Variants in XKR4 observed in about 807,000 individuals in gnomAD.
XKR4 encodes the protein XK related 4.
XKR4 carries 12 observed loss-of-function variants against 53.9 expected under a neutral mutation model. The observed-to-expected ratio is 0.22, with a 90% CI of 0.14 to 0.36. XKR4 has a LOEUF of 0.36. Among genes scored for constraint, XKR4 ranks in the 10% least tolerant of loss-of-function variants. XKR4 has a pLI of 1.00. For synonymous variants in XKR4, 354 were observed against 362.4 expected, an observed-to-expected ratio of 0.98 and a Z score of 0.26; for missense variants, 799 against 859.5, an observed-to-expected ratio of 0.93 and a Z score of 0.88.
At chr8:55,445,714 G>A (rs2622590) in intron 2 of XKR4, among the ~76,000 whole-genome samples, 23,117 of 152,086 alleles carry the variant, frequency 0.15, 2,256 homozygotes, top group East Asian at 0.41. Flanking sequence ...ATTGCCCCTA[G>A]TCAAATCAGA....
chr8:55,480,134 T>C (rs899031539), intron 2 of XKR4, among the ~76,000 whole-genome samples: 2 of 152,154 alleles, frequency 1.3e-5, no homozygotes, highest in African/African-American at 4.8e-5. Context: ...TTGATGAACA[T>C]TGATGCAAAA....
intron 2 of XKR4, among the ~76,000 whole-genome samples, chr8:55,426,398 T>C (rs920042584): frequency 1.3e-5 from 2 of 151,618 alleles, no homozygotes; most frequent in Non-Finnish European, 1.5e-5. Flanking sequence ...CTGTCACACA[T>C]ACACACACAC....
intron 2 of XKR4, chr8:55,453,187 G>A (rs956152935): frequency 2.0e-6 from 1 of 501,236 alleles, no homozygotes; most frequent in Admixed American, 2.3e-5. Flanking sequence ...AGAGCTGTAA[G>A]AGAACTACCT....
intron 1 of XKR4, among the ~76,000 whole-genome samples, chr8:55,193,114 T>C (rs1397370676): frequency 6.6e-6 from 1 of 152,054 alleles, no homozygotes; most frequent in Non-Finnish European, 1.5e-5. Flanking sequence ...AAAATTCAAT[T>C]ATATCGGACT....
intron 2 of XKR4, among the ~76,000 whole-genome samples, chr8:55,372,683 A>C (rs950147807): frequency 6.6e-6 from 1 of 152,070 alleles, no homozygotes; most frequent in Non-Finnish European, 1.5e-5. Flanking sequence ...TGATGTGTAT[A>C]TTCTAGGGTA....
At chr8:55,478,326 A>T (rs1010884550) in intron 2 of XKR4, among the ~76,000 whole-genome samples, 17 of 152,224 alleles carry the variant, frequency 1.1e-4, no homozygotes, top group African/African-American at 2.7e-4. Context: ...GAGAAATAAA[A>T]TACTTTACAG....
chr8:55,279,284 A>G (rs2129373585), intron 1 of XKR4, among the ~76,000 whole-genome samples: 1 of 152,302 alleles, frequency 6.6e-6, no homozygotes, highest in South Asian at 2.1e-4. Flanking sequence ...GCTCAGCTCC[A>G]GCTTCTCTTT....
intron 2 of XKR4, among the ~76,000 whole-genome samples, chr8:55,497,321 A>G (rs1347048057): frequency 6.6e-6 from 1 of 152,230 alleles, no homozygotes; most frequent in Admixed American, 6.5e-5. Context: ...AATTTGTGGG[A>G]GGATTTGTTT....
chr8:55,467,501 G>A lies in XKR4; in HGVS notation c.1007-55780G>A, dbSNP rs189607181. ...TGTGTTTACTGAGTTGGGAGTTGGC[G>A]AGGGTTGGGACTGGGGGCCATCTTA... On this transcript the variant is annotated intron_variant, in intron 2 of 2. Coordinates refer to ENST00000327381, the MANE Select transcript of XKR4 (RefSeq NM_052898.2). Among the ~76,000 whole-genome samples, 9 of 152,222 alleles carry A rather than the reference G, an allele frequency of 5.9e-5. No individual in the cohort carries two copies. In the South Asian group the frequency reaches 1.2e-3, roughly 21 times the overall value.
chr8:55,449,705 C>T, intron 2 of XKR4: 1 of 892,154 alleles, frequency 1.1e-6, no homozygotes, highest in South Asian at 1.3e-5. Flanking sequence ...GTCGATGACA[C>T]CCTTGCACTC....
chr8:55,493,343 C>T (rs1389471883), intron 2 of XKR4, among the ~76,000 whole-genome samples: 1 of 152,206 alleles, frequency 6.6e-6, no homozygotes, highest in Non-Finnish European at 1.5e-5. Flanking sequence ...TAGCTATTTC[C>T]TCTGCAGGCA....
In XKR4 at chr8:55,533,543, C is replaced by T. The variant is rs945488211; in HGVS notation, c.*9316C>T. ...GCTCTGTGGAAAGATGTAAATCCCT[C>T]CTGCTGTAAGAGGAGGGAAGGCAGC... On this transcript the variant is annotated 3_prime_UTR_variant, in exon 3 of 3. Transcript: ENST00000327381. 2 of 152,160 alleles carry T rather than the reference C, an allele frequency of 1.3e-5. No individual in the cohort carries two copies. The highest frequency in any genetic ancestry group is 4.8e-5 in the African/African-American group (2 of 41,434). 9.4% of individuals were successfully genotyped at this position (152,160 alleles called of 1,614,324 possible).
At chr8:55,267,371 C>T (rs1314754763) in intron 1 of XKR4, among the ~76,000 whole-genome samples, 1 of 152,088 alleles carries the variant, frequency 6.6e-6, no homozygotes, top group Non-Finnish European at 1.5e-5. Flanking sequence ...ACTGCTTTTT[C>T]CAGCAACCCT....
chr8:55,452,669 C>T (rs1291647064), intron 2 of XKR4: 3 of 1,430,528 alleles, frequency 2.1e-6, no homozygotes, highest in African/African-American at 1.4e-5. Flanking sequence ...TGACCCCACT[C>T]TCTGTGCAGA....
At chr8:55,166,539 G>A (rs1458506656) in intron 1 of XKR4, among the ~76,000 whole-genome samples, 1 of 152,150 alleles carries the variant, frequency 6.6e-6, no homozygotes, top group African/African-American at 2.4e-5. Context: ...TCTAATGGAA[G>A]GAAACAGAAT....
chr8:55,141,065 G>T (rs891174245), intron 1 of XKR4, among the ~76,000 whole-genome samples: 4 of 152,094 alleles, frequency 2.6e-5, no homozygotes, highest in African/African-American at 4.8e-5. Flanking sequence ...AATCAATTTT[G>T]TAACACTTTT....
At position 55,524,190 on chromosome 8, in the gene XKR4, T is replaced by C; in HGVS notation, c.1916T>C (p.Leu639Pro). 6.2e-7 allele frequency: 1 copy of C among 1,614,160 alleles called. No individual in the cohort carries two copies. ...AGGCTGCAGTACAAAGATGATGCCCTTATTCAGGAGCGGTTGGAGTACGAA... is the reference window on the plus strand; with the variant it reads ...AGGCTGCAGTACAAAGATGATGCCCCTATTCAGGAGCGGTTGGAGTACGAA... ...PPRLQYKDDA[L>P]IQERLEYETT... Residue 639 changes from leucine to proline, a missense_variant, in exon 3 of 3, where the codon CTT becomes CCT. Physicochemically the swap from Leu to Pro is moderately conservative, Grantham distance 98. Around this residue, in one of 3 missense-constraint regions of XKR4, gnomAD observed 269 missense variants for 264.4 expected, o/e 1.02. Transcript: ENST00000327381.
chr8:55,277,641 G>A (rs1209075451), intron 1 of XKR4, among the ~76,000 whole-genome samples: 1 of 152,066 alleles, frequency 6.6e-6, no homozygotes, highest in Non-Finnish European at 1.5e-5. Context: ...TACTTTCTAG[G>A]TGTGTCGATG....
intron 1 of XKR4, among the ~76,000 whole-genome samples, chr8:55,349,518 T>C (rs1394367910): frequency 1.4e-4 from 21 of 152,186 alleles, no homozygotes; most frequent in Admixed American, 1.4e-3. Flanking sequence ...AATATTATAG[T>C]ATAAAATATG....
Sources: allele counts gnomAD v4.1 joint callset (sites outside exome capture counted in the v4.1 genomes callset), GRCh38; gene constraint gnomAD v4.1.1; regional missense constraint gnomAD v4.1.1; transcripts MANE v1.5; gene names NCBI Gene and HGNC (gene_info 2026-07-23, HGNC 2026-07-21).